SKP1: variants seen among roughly 807,000 people sequenced by gnomAD.
SKP1 encodes S-phase kinase associated protein 1.
In SKP1, 1 loss-of-function variant was observed where a neutral mutation model predicts 21.5. That is an observed-to-expected ratio of 0.05 (90% CI 0.02 to 0.22). The LOEUF is 0.22. Ranked by LOEUF, SKP1 falls within the 10% of genes least tolerant of loss-of-function variation. SKP1 has a pLI of 1.00. For missense variants in SKP1, 70 were observed against 192.0 expected, an observed-to-expected ratio of 0.36 and a Z score of 3.76; for synonymous variants, 59 against 59.3, an observed-to-expected ratio of 0.99 and a Z score of 0.03.
At chr5:134,157,827 A>C (rs1761146843) in intron 5 of SKP1, 59 bp from the exon 6 acceptor site, 1 of 1,612,582 alleles carries the variant, frequency 6.2e-7, no homozygotes, top group African/African-American at 1.3e-5. Context: ...TAAGACTTAT[A>C]AATACTACCT....
chr5:134,175,148 T>C (rs1037991057), intron 1 of SKP1: 3 of 152,260 alleles, frequency 2.0e-5, no homozygotes, highest in South Asian at 2.1e-4. Flanking sequence ...CAAAGACTTA[T>C]GACCCATTAC....
At chr5:134,158,907 AT>A (rs1037303312) in intron 4 of SKP1, among the ~76,000 whole-genome samples, 3 of 152,204 alleles carry the variant, frequency 2.0e-5, no homozygotes, top group Non-Finnish European at 4.4e-5. Context: ...TGGCAAAAAT[AT>A]TTGTCCACAC....
At position 134,156,257 on chromosome 5, in the gene SKP1, G is replaced by GAA. The variant is rs1209833262; in HGVS notation, c.*1475_*1476insTT. ...TTATCTCCTGAGAGAGAGAGAGAGA[G>GAA]AGAGAGAGAATTTTAAATAACTCTT... On this transcript the variant is annotated 3_prime_UTR_variant, in exon 6 of 6. Transcript: ENST00000353411. The GAA allele has an allele frequency of 2.6e-5, 4 of 152,172 alleles. No individual in the cohort carries two copies. The highest frequency in any genetic ancestry group is 9.7e-5 in the African/African-American group (4 of 41,418). The allele number at this position is 152,172 out of a possible 1,614,324, so 9.4% of individuals were successfully genotyped here. A position where few individuals can be genotyped will look rare whatever the true frequency, so the allele number is the denominator to read the frequency against.
At chr5:134,165,585 C>CCG (rs1761313946) in intron 3 of SKP1, among the ~76,000 whole-genome samples, 1 of 97,682 alleles carries the variant, frequency 1.0e-5, no homozygotes, top group Non-Finnish European at 2.1e-5. Flanking sequence ...GTGTCTGTCT[C>CCG]AAAAAAAAAA....
chr5:134,161,113 G>T lies in SKP1; in HGVS notation c.189C>A (p.Thr63=), dbSNP rs1227294635. The change falls in exon 4 of 6, where the codon ACC becomes ACA. Residue 63 remains threonine (T), a synonymous_variant. Coordinates refer to ENST00000353411, the MANE Select transcript of SKP1 (RefSeq NM_170679.3). ...AILKKVIQWC[T]HHKDDPPPPE... Reference sequence around the variant, plus strand: ...GAGGAGGAGGGTCATCCTTGTGGTGGGTGCACCACTGAATGACCTACAACA... The same window carrying T: ...GAGGAGGAGGGTCATCCTTGTGGTGTGTGCACCACTGAATGACCTACAACA... 1 of 1,610,564 alleles carries T rather than the reference G, an allele frequency of 6.2e-7. No individual in the cohort carries two copies. Among genetic ancestry groups the T allele is most frequent in the African/African-American group, 1.3e-5 (1 of 74,780 alleles).
intron 2 of SKP1, among the ~76,000 whole-genome samples, chr5:134,169,943 G>C (rs1761408526): frequency 6.6e-6 from 1 of 150,724 alleles, no homozygotes; most frequent in Non-Finnish European, 1.5e-5. Flanking sequence ...GGAGGCTGCA[G>C]TGAGCCGAGA....
chr5:134,162,818 G>A (rs1188868548), intron 3 of SKP1, among the ~76,000 whole-genome samples: 1 of 152,136 alleles, frequency 6.6e-6, no homozygotes, highest in Non-Finnish European at 1.5e-5. Flanking sequence ...GTTCATACTT[G>A]TAATCTCAGC....
chr5:134,153,045 C>A lies in SKP1; in HGVS notation c.*4688G>T, dbSNP rs1419043424. ...CAATCTTCTTATTCTTGACTTCTTC[C>A]TAGCTTAAAAAGTTATAGACTGGTT... On this transcript the variant is annotated 3_prime_UTR_variant, in exon 6 of 6. Transcript: ENST00000353411. 4 of 152,174 alleles carry A rather than the reference C, an allele frequency of 2.6e-5. No homozygotes were observed. The highest frequency in any genetic ancestry group is 9.7e-5 in the African/African-American group (4 of 41,430). 9.4% of individuals were successfully genotyped at this position (152,174 alleles called of 1,614,324 possible).
chr5:134,153,915 C>A lies in SKP1; in HGVS notation c.*3818G>T, dbSNP rs1269424268. 6.6e-6 allele frequency: 1 copy of A among 152,180 alleles called. No individual in the cohort carries two copies. Among genetic ancestry groups the A allele is most frequent in the Non-Finnish European group, 1.5e-5 (1 of 68,036 alleles). 9.4% of individuals were successfully genotyped at this position (152,180 alleles called of 1,614,324 possible). ...ACTATGATGTCATGTTACAAGGCTGCAGTTACCTGTCCAACCAAGTCACAA... is the reference window on the plus strand; with the variant it reads ...ACTATGATGTCATGTTACAAGGCTGAAGTTACCTGTCCAACCAAGTCACAA... On this transcript the variant is annotated 3_prime_UTR_variant, in exon 6 of 6. Transcript: ENST00000353411.
chr5:134,165,513 C>G (rs1761311964), intron 3 of SKP1, among the ~76,000 whole-genome samples: 1 of 151,326 alleles, frequency 6.6e-6, no homozygotes, highest in African/African-American at 2.4e-5. Flanking sequence ...TCACTTGAAC[C>G]CAAGAGGCAG....
Position 134,157,785 on chromosome 5 carries a change from T to C in SKP1, c.457-17A>G, listed in dbSNP as rs758067925. 9.3e-6 allele frequency: 15 copies of C among 1,613,334 alleles called. No individual in the cohort carries two copies. The highest frequency in any genetic ancestry group is 3.3e-5 in the South Asian group (3 of 91,084). On this transcript the variant is annotated splice_polypyrimidine_tract_variant and intron_variant, in intron 5 of 5. Coordinates refer to ENST00000353411, the MANE Select transcript of SKP1 (RefSeq NM_170679.3). ...TTTGCGTACCTAAAAGAGATGGATA[T>C]AGGGAAGTACCTTAACTTGAGTAGT... is the stretch of plus-strand genomic sequence containing the variant.
intron 3 of SKP1, among the ~76,000 whole-genome samples, chr5:134,166,870 C>T (rs1001035048): frequency 1.3e-5 from 2 of 152,116 alleles, no homozygotes; most frequent in African/African-American, 4.8e-5. Context: ...AGCCAACCTG[C>T]GATCCAGATA....
chr5:134,176,914 G>T lies in SKP1; in HGVS notation c.-60C>A, dbSNP rs11538030. 0.035 allele frequency: 5,412 copies of T among 152,946 alleles called. 130 individuals are homozygous for T. Among genetic ancestry groups the T allele is most frequent in the Non-Finnish European group, 0.052 (3,577 of 68,188 alleles). 9.5% of individuals were successfully genotyped at this position (152,946 alleles called of 1,614,324 possible). A position where few individuals can be genotyped will look rare whatever the true frequency, so the allele number is the denominator to read the frequency against. ...CTGACGAGAGCCGGGAGGCGTTAGC[G>T]AAGGAAGAGAAAAACCGAAGACGAA... is the stretch of plus-strand genomic sequence containing the variant. On this transcript the variant is annotated 5_prime_UTR_variant, in exon 1 of 6. Transcript: ENST00000353411.
At chr5:134,167,388 T>TG (rs1761351333) in intron 2 of SKP1, 145 bp from the exon 3 acceptor site, 3 of 623,116 alleles carry the variant, frequency 4.8e-6, no homozygotes, top group African/African-American at 1.8e-5. Flanking sequence ...TTAAACATAT[T>TG]GGGAAAAAAA....
chr5:134,174,586 TA>T (rs1761503262), intron 1 of SKP1: 1 of 485,802 alleles, frequency 2.1e-6, no homozygotes, highest in East Asian at 1.5e-4. Context: ...TACAATTCCC[TA>T]AATCTACTTA....
intron 5 of SKP1, 143 bp downstream of exon 5, chr5:134,158,312 G>A: frequency 1.3e-6 from 2 of 1,543,276 alleles, no homozygotes; most frequent in East Asian, 2.3e-5. Flanking sequence ...AGAACAGTAA[G>A]AGTATGTTTA....
At chr5:134,168,423 G>A (rs1239616992) in intron 2 of SKP1, among the ~76,000 whole-genome samples, 1 of 152,110 alleles carries the variant, frequency 6.6e-6, no homozygotes, top group Non-Finnish European at 1.5e-5. Context: ...ACAAGGCAGG[G>A]AGCTCCAAAC....
At chr5:134,158,654 G>A in intron 4 of SKP1, 59 bp from the exon 5 acceptor site, 8 of 1,396,628 alleles carry the variant, frequency 5.7e-6, no homozygotes, top group Non-Finnish European at 8.1e-6. Context: ...TAAATCCAAA[G>A]TTAATGATTG....
At chr5:134,162,938 G>A (rs1312781556) in intron 3 of SKP1, among the ~76,000 whole-genome samples, 2 of 151,836 alleles carry the variant, frequency 1.3e-5, no homozygotes, top group Non-Finnish European at 2.9e-5. Context: ...TAATAGGCTG[G>A]GCACTGTGGC....
Sources: allele counts gnomAD v4.1 joint callset (sites outside exome capture counted in the v4.1 genomes callset), GRCh38; gene constraint gnomAD v4.1.1; transcripts MANE v1.5; gene names NCBI Gene and HGNC (gene_info 2026-07-23, HGNC 2026-07-21).